Variants in CLYBL observed in about 807,000 individuals in gnomAD.
CLYBL encodes the protein citramalyl-CoA lyase.
In CLYBL, 31 loss-of-function variants were observed where a neutral mutation model predicts 38.9. That is an observed-to-expected ratio of 0.80 (90% CI 0.60 to 1.08). CLYBL has a LOEUF of 1.08. CLYBL is among the 50% of genes least tolerant of loss of function. The pLI is 0.00. For missense variants in CLYBL, 434 were observed against 411.6 expected (o/e 1.05, Z -0.47); for synonymous variants, 171 against 158.6 (o/e 1.08, Z -0.59).
intron 6 of CLYBL, among the ~76,000 whole-genome samples, chr13:99,870,261 C>T (rs1175378608): frequency 6.6e-6 from 1 of 152,092 alleles, no homozygotes; most frequent in Non-Finnish European, 1.5e-5. Flanking sequence ...ATGGAGTAAT[C>T]TAAGGCTGCA....
intron 2 of CLYBL, among the ~76,000 whole-genome samples, chr13:99,852,812 C>T (rs1265149310): frequency 1.3e-5 from 2 of 152,060 alleles, no homozygotes; most frequent in Non-Finnish European, 2.9e-5. Flanking sequence ...CTATACACAC[C>T]TCCTATATTC....
intron 2 of CLYBL, among the ~76,000 whole-genome samples, chr13:99,850,974 T>C (rs1332806181): frequency 1.3e-5 from 2 of 152,088 alleles, no homozygotes; most frequent in African/African-American, 4.8e-5. Flanking sequence ...ATAGACAAAT[T>C]CATGGGTACA....
intron 1 of CLYBL, among the ~76,000 whole-genome samples, chr13:99,632,274 G>A (rs187621569): frequency 6.6e-6 from 1 of 152,308 alleles, no homozygotes. Flanking sequence ...GCAGCTTTAA[G>A]CCTGAAAAAA....
chr13:99,680,450 A>T (rs536543427), intron 1 of CLYBL, among the ~76,000 whole-genome samples: 2 of 152,370 alleles, frequency 1.3e-5, no homozygotes, highest in African/African-American at 4.8e-5. Flanking sequence ...CAATGAAATA[A>T]AAGAATGATA....
Position 99,891,395 on chromosome 13 carries a change from C to T in CLYBL, c.1005C>T (p.Thr335=), listed in dbSNP as rs768261965. 3.7e-6 allele frequency: 6 copies of T among 1,613,090 alleles called. No individual in the cohort carries two copies. Among genetic ancestry groups the T allele is most frequent in the Non-Finnish European group, 3.4e-6 (4 of 1,179,086 alleles). The change falls in exon 8 of 9, where the codon ACC becomes ACT. Residue 335 remains threonine, a synonymous_variant. Transcript: ENST00000339105. ...CCCAGAACACTGTTACGCTTGCCAC[C>T]TCCATCAAGGAAAAATGATCTGTTA... ...KQAQNTVTLA[T]SIKEK is the part of the protein sequence containing the mutation.
At chr13:99,702,393 G>T (rs574868138) in intron 1 of CLYBL, among the ~76,000 whole-genome samples, 1 of 152,244 alleles carries the variant, frequency 6.6e-6, no homozygotes, top group Non-Finnish European at 1.5e-5. Context: ...CACTTTGGGA[G>T]GCCAAGGCGG....
At chr13:99,757,556 A>T (rs2049088074) in intron 1 of CLYBL, among the ~76,000 whole-genome samples, 1 of 152,126 alleles carries the variant, frequency 6.6e-6, no homozygotes, top group African/African-American at 2.4e-5. Context: ...CTTGGGTTCA[A>T]GTGATTCTCC....
intron 1 of CLYBL, among the ~76,000 whole-genome samples, chr13:99,734,328 T>C (rs2048634283): frequency 6.6e-6 from 1 of 151,932 alleles, no homozygotes; most frequent in African/African-American, 2.4e-5. Context: ...ATAAAACCGA[T>C]CTGTTAAAAC....
chr13:99,703,448 C>T (rs1025091737), intron 1 of CLYBL, among the ~76,000 whole-genome samples: 2 of 152,166 alleles, frequency 1.3e-5, no homozygotes, highest in Non-Finnish European at 2.9e-5. Flanking sequence ...CGGCTCACTG[C>T]AACCTCTGCC....
Position 99,849,006 on chromosome 13 carries a change from G to A in CLYBL, c.250-9855G>A, listed in dbSNP as rs902478683. Among the ~76,000 whole-genome samples the A allele has an allele frequency of 6.6e-6, 1 of 152,078 alleles. No individual in the cohort carries two copies. The highest frequency in any genetic ancestry group is 6.6e-5 in the Admixed American group (1 of 15,262). On this transcript the variant is annotated intron_variant, in intron 2 of 8. Coordinates refer to ENST00000339105, the MANE Select transcript of CLYBL (RefSeq NM_206808.5). The surrounding 1 kb of genome is among the most constrained non-coding windows in gnomAD (Gnocchi z 4.9). ...ATACAAAAATTAGCTGGGCGTGGTG[G>A]CAGTCACATGTAATCCCAGCTACTT...
intron 1 of CLYBL, among the ~76,000 whole-genome samples, chr13:99,731,082 CAAAAAAAAAAAAAA>C (rs764705741): frequency 1.8e-5 from 1 of 57,016 alleles, no homozygotes; most frequent in African/African-American, 7.6e-5. Context: ...GACTCTGTTT[CAAAAAAAAAAAAAA>C]AAAAAAAAAA....
chr13:99,668,195 G>A (rs1363812990), intron 1 of CLYBL, among the ~76,000 whole-genome samples: 1 of 151,794 alleles, frequency 6.6e-6, no homozygotes, highest in Non-Finnish European at 1.5e-5. Context: ...GATCGTTTGA[G>A]CCCAGGAGGC....
In CLYBL at chr13:99,636,078, T is replaced by G. The variant is rs2139250364; in HGVS notation, c.62+29321T>G. Among the ~76,000 whole-genome samples the G allele has an allele frequency of 1.3e-5, 2 of 152,366 alleles. 1 individual carries two copies. The highest frequency in any genetic ancestry group is 4.1e-4 in the South Asian group (2 of 4,832). On this transcript the variant is annotated intron_variant, in intron 1 of 8. Transcript: ENST00000339105. Reference sequence around the variant, plus strand: ...TTGAATTTTAACAGAGTACATTTGCTAAGTTAAAAGAGTGATTATATTAAC... The same window carrying G: ...TTGAATTTTAACAGAGTACATTTGCGAAGTTAAAAGAGTGATTATATTAAC...
At chr13:99,780,609 C>T (rs2049623029) in intron 2 of CLYBL, among the ~76,000 whole-genome samples, 1 of 151,790 alleles carries the variant, frequency 6.6e-6, no homozygotes, top group African/African-American at 2.4e-5. Flanking sequence ...ATCTCCTGAC[C>T]TCATGATCTG....
chr13:99,859,910 G>T (rs146195772), intron 3 of CLYBL, among the ~76,000 whole-genome samples: 99 of 152,192 alleles, frequency 6.5e-4, no homozygotes, highest in African/African-American at 2.2e-3. Context: ...AGCGTTTGTG[G>T]TCGGGGCGAG....
At chr13:99,665,804 GGACTGATTCATGTTA>G (rs2047472703) in intron 1 of CLYBL, among the ~76,000 whole-genome samples, 1 of 152,134 alleles carries the variant, frequency 6.6e-6, no homozygotes, top group Middle Eastern at 3.2e-3. Flanking sequence ...TCAAACTGTT[GGACTGATTCATGTTA>G]GATAAAACAG....
intron 1 of CLYBL, among the ~76,000 whole-genome samples, chr13:99,637,995 G>C (rs1358239457): frequency 1.2e-5 from 1 of 86,152 alleles, no homozygotes; most frequent in Non-Finnish European, 2.1e-5. Context: ...ACAAGGTCTT[G>C]CTCTGTCGCC....
intron 1 of CLYBL, among the ~76,000 whole-genome samples, chr13:99,771,369 A>G (rs2049392333): frequency 6.6e-6 from 1 of 152,304 alleles, no homozygotes; most frequent in South Asian, 2.1e-4. Context: ...GGCAGTCTTC[A>G]TGACATAGAA....
intron 1 of CLYBL, among the ~76,000 whole-genome samples, chr13:99,672,769 C>T (rs976791388): frequency 2.0e-5 from 3 of 152,094 alleles, no homozygotes; most frequent in Non-Finnish European, 4.4e-5. Context: ...GACCCTGTCT[C>T]AAAAAATATA....
Sources: gnomAD v4.1 joint callset for allele counts (sites outside exome capture counted in the v4.1 genomes callset) on GRCh38, gnomAD v4.1.1 for gene constraint, Gnocchi (gnomAD v3.1) non-coding constraint, MANE v1.5 for transcripts, NCBI Gene and HGNC (gene_info 2026-07-23, HGNC 2026-07-21) for gene names.